PDE1A: variants seen among roughly 807,000 people sequenced by gnomAD.
PDE1A encodes phosphodiesterase 1A.
Under a neutral mutation model 61.7 loss-of-function variants are expected in PDE1A, and 35 were observed. The ratio of observed to expected loss-of-function variants is 0.57; its 90% CI spans 0.43 to 0.75. PDE1A has a LOEUF of 0.75. PDE1A is among the 30% of genes least tolerant of loss of function. The pLI, the probability that PDE1A is intolerant of heterozygous loss-of-function variation, is 0.00. For missense variants in PDE1A, 597 were observed against 630.6 expected, an observed-to-expected ratio of 0.95 and a Z score of 0.57; for synonymous variants, 232 against 213.2, an observed-to-expected ratio of 1.09 and a Z score of -0.77.
the PDE1A span, among the ~76,000 whole-genome samples, chr2:182,627,266 TATAA>T: frequency 9.8e-6 from 1 of 101,950 alleles, no homozygotes; most frequent in Non-Finnish European, 1.8e-5. Flanking sequence ...ATTATTTATA[TATAA>T]ATAATATATA....
chr2:182,342,780 C>T (rs1026564796), intron 1 of PDE1A, among the ~76,000 whole-genome samples: 2 of 152,164 alleles, frequency 1.3e-5, no homozygotes, highest in African/African-American at 4.8e-5. Context: ...TTATATGGAA[C>T]CATATTACAT....
chr2:182,604,141 T>A, the PDE1A span, among the ~76,000 whole-genome samples: 1 of 152,102 alleles, frequency 6.6e-6, no homozygotes, highest in African/African-American at 2.4e-5. Context: ...TTTAATTATA[T>A]CTGAAAGAAA....
intron 13 of PDE1A, among the ~76,000 whole-genome samples, chr2:182,171,568 A>T (rs940859197): frequency 2.0e-5 from 3 of 151,850 alleles, no homozygotes; most frequent in Non-Finnish European, 4.4e-5. Flanking sequence ...ATGAGTGGTA[A>T]CAAAAGAAGG....
the PDE1A span, among the ~76,000 whole-genome samples, chr2:182,610,661 A>G: frequency 6.6e-6 from 1 of 152,202 alleles, no homozygotes; most frequent in South Asian, 2.1e-4. Context: ...CTAGGGTTAA[A>G]TAAAAACAAA....
rs956334489 is a variant in PDE1A, at chr2:182,386,005, G to A, written c.53+40573C>T. ...CTGCCGAGTGCCTGTGATTGCGGGC[G>A]TGTGCCGCCACGCCTGACTGTGTTT... On this transcript the variant is annotated intron_variant, in intron 1 of 13. Transcript: ENST00000351439. Among the ~76,000 whole-genome samples, 66 of 152,294 alleles carry A rather than the reference G, an allele frequency of 4.3e-4. 1 individual carries two copies. The highest frequency in any genetic ancestry group is 1.4e-3 in the African/African-American group (58 of 41,574).
chr2:182,380,469 A>G (rs1700670619), intron 1 of PDE1A, among the ~76,000 whole-genome samples: 1 of 152,064 alleles, frequency 6.6e-6, no homozygotes, highest in Non-Finnish European at 1.5e-5. Flanking sequence ...AAAATAGATC[A>G]TGCCCTTTGC....
chr2:182,663,409 A>G, the PDE1A span, among the ~76,000 whole-genome samples: 1 of 152,244 alleles, frequency 6.6e-6, no homozygotes, highest in Non-Finnish European at 1.5e-5. Context: ...AATAGCAAAG[A>G]CATGGAAACA....
the PDE1A span, among the ~76,000 whole-genome samples, chr2:182,561,390 G>T: frequency 1.1e-4 from 17 of 151,844 alleles, no homozygotes; most frequent in Admixed American, 1.1e-3. Flanking sequence ...ATTTCTGAGG[G>T]CTCTGTTCTG....
At chr2:182,225,199 T>C (rs937927306) in intron 6 of PDE1A, among the ~76,000 whole-genome samples, 7 of 151,876 alleles carry the variant, frequency 4.6e-5, no homozygotes, top group Non-Finnish European at 1.0e-4. Flanking sequence ...TGTAGAATCA[T>C]ACTATAGGGT....
intron 2 of PDE1A, among the ~76,000 whole-genome samples, chr2:182,460,106 T>C (rs1450551690): frequency 6.6e-6 from 1 of 152,128 alleles, no homozygotes; most frequent in Non-Finnish European, 1.5e-5. Context: ...TTCATTCCAA[T>C]CCCTCTTCCA....
chr2:182,312,283 C>G (rs961352739), intron 1 of PDE1A, among the ~76,000 whole-genome samples: 5 of 151,758 alleles, frequency 3.3e-5, no homozygotes, highest in African/African-American at 1.2e-4. Flanking sequence ...AGGAGCAAAC[C>G]TTTGTGGTTT....
At chr2:182,475,270 G>A (rs1184345149) in intron 2 of PDE1A, among the ~76,000 whole-genome samples, 1 of 151,894 alleles carries the variant, frequency 6.6e-6, no homozygotes, top group Admixed American at 6.6e-5. Context: ...AGTGCCATCT[G>A]GGACAGCAGC....
chr2:182,424,500 A>G lies in PDE1A; in HGVS notation c.53+2078T>C, dbSNP rs138216358. 3.4e-4 allele frequency among the ~76,000 whole-genome samples: 52 copies of G among 152,284 alleles called. No homozygotes were observed. The East Asian group carries it at 9.5e-3, about 28-fold the overall frequency. On this transcript the variant is annotated intron_variant, in intron 1 of 13. Coordinates refer to ENST00000351439, the Ensembl canonical transcript of PDE1A. ...AGTCAGGCTTGAGAAAGATGTCTCA[A>G]TGTGAGATGCCAGACAGCCTAGGGA...
At chr2:182,667,275 A>G in the PDE1A span, among the ~76,000 whole-genome samples, 1 of 152,188 alleles carries the variant, frequency 6.6e-6, no homozygotes, top group Admixed American at 6.5e-5. Flanking sequence ...AAATAGTCTG[A>G]TTACCTTTAC....
intron 2 of PDE1A, among the ~76,000 whole-genome samples, chr2:182,520,240 G>C (rs1690480797): frequency 6.6e-6 from 1 of 151,882 alleles, no homozygotes. Context: ...GCAGATTTTA[G>C]ATTTAGAGTT....
chr2:182,228,165 T>A (rs1466753218), intron 6 of PDE1A, among the ~76,000 whole-genome samples: 1 of 152,092 alleles, frequency 6.6e-6, no homozygotes, highest in East Asian at 1.9e-4. Flanking sequence ...GGACTACAAA[T>A]GTATCAAGTG....
At chr2:182,151,689 A>G (rs760195840) in intron 13 of PDE1A, among the ~76,000 whole-genome samples, 7 of 152,174 alleles carry the variant, frequency 4.6e-5, no homozygotes, top group South Asian at 2.1e-4. Flanking sequence ...TTTGTTCTCA[A>G]TAGTAATTTT....
the PDE1A span, among the ~76,000 whole-genome samples, chr2:182,551,380 G>A: frequency 4.6e-5 from 7 of 152,250 alleles, no homozygotes; most frequent in South Asian, 2.1e-4. Flanking sequence ...AAATCGGAGC[G>A]AAGTGGGGGC....
chr2:182,212,208 C>T (rs200225540), intron 7 of PDE1A, among the ~76,000 whole-genome samples: 11 of 106,430 alleles, frequency 1.0e-4, no homozygotes, highest in African/African-American at 1.8e-4. Flanking sequence ...ATATATATTA[C>T]GTACGAGATA....
Sources: gnomAD v4.1 joint callset for allele counts (sites outside exome capture counted in the v4.1 genomes callset) on GRCh38, gnomAD v4.1.1 for gene constraint, MANE v1.5 for transcripts, NCBI Gene and HGNC (gene_info 2026-07-23, HGNC 2026-07-21) for gene names.